LARGE1: variants seen among roughly 807,000 people sequenced by gnomAD.
LARGE1 encodes xylosyl- and glucuronyltransferase LARGE1.
LARGE1 carries 43 observed loss-of-function variants against 87.6 expected under a neutral mutation model. The observed-to-expected ratio is 0.49, with a 90% CI of 0.38 to 0.63. LARGE1 has a LOEUF of 0.63. Among genes scored for constraint, LARGE1 ranks in the 30% least tolerant of loss-of-function variants. The pLI is 0.00. For synonymous variants in LARGE1, 434 were observed against 394.6 expected (o/e 1.10, Z -1.18); for missense variants, 802 against 1,000.2 (o/e 0.80, Z 2.67).
At chr22:33,312,354 C>T (rs1244953560) in intron 11 of LARGE1, among the ~76,000 whole-genome samples, 1 of 151,026 alleles carries the variant, frequency 6.6e-6, no homozygotes, top group African/African-American at 2.4e-5. Context: ...GCGGGAGAAT[C>T]GCTCGAACCC....
intron 2 of LARGE1, among the ~76,000 whole-genome samples, chr22:33,710,119 C>G (rs549360177): frequency 2.8e-4 from 43 of 151,850 alleles, no homozygotes; most frequent in African/African-American, 9.9e-4. Flanking sequence ...AAAGAACTAC[C>G]CTGGGCACTT....
At chr22:33,125,639 G>C in the LARGE1 span, among the ~76,000 whole-genome samples, 3 of 152,128 alleles carry the variant, frequency 2.0e-5, no homozygotes, top group Non-Finnish European at 4.4e-5. Flanking sequence ...TAGAGATGGA[G>C]TTTCACCATG....
intron 1 of LARGE1, among the ~76,000 whole-genome samples, chr22:33,903,880 G>A (rs1261728925): frequency 6.6e-6 from 1 of 152,134 alleles, no homozygotes. Context: ...GGAATAGAAG[G>A]TATCACTGAC....
At chr22:33,248,977 C>T (rs1926895025) in intron 11 of LARGE1, among the ~76,000 whole-genome samples, 1 of 152,214 alleles carries the variant, frequency 6.6e-6, no homozygotes, top group Non-Finnish European at 1.5e-5. Flanking sequence ...ATCTTGGTTG[C>T]TTCCAAGTTT....
chr22:33,786,615 C>T (rs1364793805), intron 1 of LARGE1, among the ~76,000 whole-genome samples: 1 of 152,222 alleles, frequency 6.6e-6, no homozygotes, highest in Non-Finnish European at 1.5e-5. Context: ...GCCTCCCCTC[C>T]TGAGGGGGTC....
chr22:33,522,614 T>C (rs762334349), intron 6 of LARGE1, among the ~76,000 whole-genome samples: 8 of 151,984 alleles, frequency 5.3e-5, no homozygotes, highest in Admixed American at 1.3e-4. Flanking sequence ...GGGTGGATCA[T>C]GAGGTCAGGA....
intron 11 of LARGE1, among the ~76,000 whole-genome samples, chr22:33,188,820 G>T (rs1422046492): frequency 2.0e-5 from 3 of 152,176 alleles, no homozygotes; most frequent in African/African-American, 7.2e-5. Context: ...GAGGGGATCT[G>T]CCTGCTTTGA....
At chr22:33,895,981 T>A (rs2065134500) in intron 1 of LARGE1, among the ~76,000 whole-genome samples, 1 of 152,186 alleles carries the variant, frequency 6.6e-6, no homozygotes, top group Admixed American at 6.5e-5. Flanking sequence ...AACAGTTTGG[T>A]AGAATCACAC....
rs549530697 is a variant in LARGE1 at position 33,636,188 on chromosome 22, T to G, written c.409-9862A>C. On this transcript the variant is annotated intron_variant, in intron 3 of 14. Transcript: ENST00000397394. ...AAACATTAAAGGATGAGACCGATTT[T>G]GGGGTGGGTCAAGAGAATTGTAATC... 2.0e-5 allele frequency among the ~76,000 whole-genome samples: 3 copies of G among 152,280 alleles called. No individual in the cohort carries two copies. The East Asian group carries it at 5.8e-4, about 29-fold the overall frequency.
At chr22:33,085,618 A>T in the LARGE1 span, among the ~76,000 whole-genome samples, 2 of 152,196 alleles carry the variant, frequency 1.3e-5, no homozygotes, top group African/African-American at 4.8e-5. Context: ...TTGTCTTGTC[A>T]TTTTTGCAGC....
chr22:33,876,116 A>G (rs1479337238), intron 1 of LARGE1, among the ~76,000 whole-genome samples: 1 of 152,138 alleles, frequency 6.6e-6, no homozygotes, highest in Non-Finnish European at 1.5e-5. Flanking sequence ...TCACTGATCT[A>G]TTCTCTCACC....
At chr22:33,260,477 A>G (rs558049486) in intron 11 of LARGE1, among the ~76,000 whole-genome samples, 2 of 152,202 alleles carry the variant, frequency 1.3e-5, no homozygotes, top group South Asian at 2.1e-4. Context: ...CCCCTTTCCA[A>G]CCGCTGGGCT....
At chr22:33,749,583 G>A (rs2145619654) in intron 2 of LARGE1, among the ~76,000 whole-genome samples, 1 of 152,172 alleles carries the variant, frequency 6.6e-6, no homozygotes, top group Admixed American at 6.5e-5. Context: ...AAGTCCTTCT[G>A]TAATTTTCAA....
chr22:33,288,338 T>C (rs1931916859), intron 12 of LARGE1, among the ~76,000 whole-genome samples: 1 of 152,160 alleles, frequency 6.6e-6, no homozygotes, highest in African/African-American at 2.4e-5. Flanking sequence ...AATACTGCCT[T>C]AGGACAGTAA....
At chr22:33,760,579 C>G (rs2084689387) in intron 2 of LARGE1, among the ~76,000 whole-genome samples, 1 of 152,192 alleles carries the variant, frequency 6.6e-6, no homozygotes, top group Non-Finnish European at 1.5e-5. Context: ...ATCTCCAGAT[C>G]TGTTATCTCC....
At chr22:33,810,055 G>T (rs559979522) in intron 1 of LARGE1, among the ~76,000 whole-genome samples, 1 of 152,160 alleles carries the variant, frequency 6.6e-6, no homozygotes, top group Non-Finnish European at 1.5e-5. Context: ...TAGTCTGCAT[G>T]CAACAGACAC....
chr22:33,258,071 C>T (rs1927412403), intron 11 of LARGE1, among the ~76,000 whole-genome samples: 1 of 152,142 alleles, frequency 6.6e-6, no homozygotes, highest in Non-Finnish European at 1.5e-5. Context: ...CTCTGTCCCC[C>T]AGGCTGGAGT....
At chr22:33,209,118 C>G (rs963312359) in intron 11 of LARGE1, among the ~76,000 whole-genome samples, 1 of 152,206 alleles carries the variant, frequency 6.6e-6, no homozygotes, top group African/African-American at 2.4e-5. Flanking sequence ...AATGGCATTT[C>G]TGGTTCTAAA....
the LARGE1 span, among the ~76,000 whole-genome samples, chr22:33,124,306 A>G: frequency 6.6e-6 from 1 of 150,788 alleles, no homozygotes; most frequent in Non-Finnish European, 1.5e-5. Context: ...CCATCTCAAA[A>G]GAAAAGAAAG....
Sources: allele counts gnomAD v4.1 joint callset (sites outside exome capture counted in the v4.1 genomes callset), GRCh38; gene constraint gnomAD v4.1.1; transcripts MANE v1.5; gene names NCBI Gene and HGNC (gene_info 2026-07-23, HGNC 2026-07-21).